Variants in DKK2 observed in about 807,000 individuals in gnomAD.
DKK2 encodes dickkopf Wnt signaling pathway inhibitor 2.
Under a neutral mutation model 28.1 loss-of-function variants are expected in DKK2, and 11 were observed. The ratio of observed to expected loss-of-function variants is 0.39; its 90% CI spans 0.25 to 0.65. DKK2 has a LOEUF of 0.65. DKK2 is among the 30% of genes least tolerant of loss of function. The pLI is 0.47. For missense variants in DKK2, 326 were observed against 335.5 expected (o/e 0.97, Z 0.22); for synonymous variants, 135 against 126.5 (o/e 1.07, Z -0.45).
chr4:106,955,171 G>A (rs1722571633), intron 1 of DKK2, among the ~76,000 whole-genome samples: 2 of 151,992 alleles, frequency 1.3e-5, no homozygotes, highest in Admixed American at 1.3e-4. Flanking sequence ...GAAACTGAAT[G>A]GGCTTTTATT....
At chr4:106,967,548 A>T (rs1191736608) in intron 1 of DKK2, among the ~76,000 whole-genome samples, 1 of 152,120 alleles carries the variant, frequency 6.6e-6, no homozygotes, top group East Asian at 1.9e-4. Context: ...CATGTTCCAG[A>T]GATTGGCCTT....
intron 1 of DKK2, among the ~76,000 whole-genome samples, chr4:106,978,968 C>T (rs1722986917): frequency 6.6e-6 from 1 of 152,126 alleles, no homozygotes; most frequent in Admixed American, 6.6e-5. Context: ...GAATGCACCA[C>T]TCCTCACAGC....
intron 1 of DKK2, among the ~76,000 whole-genome samples, chr4:106,983,324 G>C (rs1455805811): frequency 8.9e-6 from 1 of 111,928 alleles, no homozygotes; most frequent in Non-Finnish European, 1.9e-5. Context: ...AAAGAAGAAA[G>C]AAAGGAAGAA....
At chr4:107,030,645 T>A (rs7677388) in intron 1 of DKK2, among the ~76,000 whole-genome samples, 122,111 of 151,390 alleles carry the variant, frequency 0.81, 49,862 homozygotes, top group Non-Finnish European at 0.86. Flanking sequence ...AGGTAGAAAT[T>A]TGATTGTAAT....
intron 1 of DKK2, among the ~76,000 whole-genome samples, chr4:106,994,955 T>C (rs1723250899): frequency 6.6e-6 from 1 of 152,206 alleles, no homozygotes. Context: ...TAAGCTGTTA[T>C]TCTACAACAA....
At chr4:107,005,357 A>C (rs528943526) in intron 1 of DKK2, among the ~76,000 whole-genome samples, 119 of 149,678 alleles carry the variant, frequency 8.0e-4, no homozygotes, top group Middle Eastern at 3.4e-3. Context: ...AAAAAAAAAA[A>C]AAAACAAAAA....
intron 1 of DKK2, among the ~76,000 whole-genome samples, chr4:106,995,005 G>T (rs1723251868): frequency 6.6e-6 from 1 of 152,068 alleles, no homozygotes; most frequent in Non-Finnish European, 1.5e-5. Context: ...TTAAAACCAT[G>T]GTTTCATGAG....
chr4:107,032,969 C>CT lies in DKK2; in HGVS notation c.222+2400_222+2401insA, dbSNP rs1560596272. 4.0e-3 allele frequency among the ~76,000 whole-genome samples: 615 copies of CT among 152,140 alleles called. 3 individuals are homozygous for CT. The highest frequency in any genetic ancestry group is 0.013 in the African/African-American group (537 of 41,508). On this transcript the variant is annotated intron_variant, in intron 1 of 3. Transcript: ENST00000285311. The stretch of plus-strand genomic sequence containing the variant: ...ATAATACTAAGAATGTTGGTGACCA[C>CT]ATAACTATAGAATAAAAAAGATAAA...
chr4:106,993,747 A>G (rs1398763479), intron 1 of DKK2, among the ~76,000 whole-genome samples: 1 of 152,204 alleles, frequency 6.6e-6, no homozygotes, highest in Non-Finnish European at 1.5e-5. Context: ...AGTCTTCCCA[A>G]ATTCATTGCT....
At chr4:106,970,344 T>C (rs1032212549) in intron 1 of DKK2, among the ~76,000 whole-genome samples, 1 of 152,076 alleles carries the variant, frequency 6.6e-6, no homozygotes, top group Non-Finnish European at 1.5e-5. Context: ...AAGAGAGTAA[T>C]GGTTACCTAT....
intron 1 of DKK2, among the ~76,000 whole-genome samples, chr4:106,936,155 A>T (rs1724584472): frequency 6.6e-6 from 1 of 152,156 alleles, no homozygotes; most frequent in South Asian, 2.1e-4. Context: ...GCTTCAGACG[A>T]TCAAATTACT....
At chr4:106,934,572 T>A (rs990319901) in intron 1 of DKK2, among the ~76,000 whole-genome samples, 6 of 152,222 alleles carry the variant, frequency 3.9e-5, no homozygotes, top group African/African-American at 1.4e-4. Context: ...TTTTAACAAT[T>A]ATTTAATTGA....
intron 1 of DKK2, among the ~76,000 whole-genome samples, chr4:106,973,319 T>A (rs1322109504): frequency 1.3e-5 from 2 of 152,228 alleles, no homozygotes; most frequent in Admixed American, 1.3e-4. Context: ...CACACTGTCT[T>A]CCACAATGGT....
At chr4:106,939,691 C>G (rs1724662279) in intron 1 of DKK2, among the ~76,000 whole-genome samples, 1 of 152,172 alleles carries the variant, frequency 6.6e-6, no homozygotes, top group Admixed American at 6.5e-5. Flanking sequence ...AGGCATCACA[C>G]TACCTGACTT....
At chr4:106,952,370 C>T (rs1309600644) in intron 1 of DKK2, among the ~76,000 whole-genome samples, 3 of 152,118 alleles carry the variant, frequency 2.0e-5, no homozygotes, top group South Asian at 2.1e-4. Context: ...TAGAAAAGAA[C>T]CTATTTTTAT....
intron 1 of DKK2, among the ~76,000 whole-genome samples, chr4:106,941,341 C>G (rs1047906142): frequency 3.9e-5 from 6 of 152,118 alleles, no homozygotes; most frequent in Non-Finnish European, 7.4e-5. Context: ...GGATAAGGGA[C>G]TTTAACTCCT....
intron 1 of DKK2, among the ~76,000 whole-genome samples, chr4:107,034,909 T>C (rs1428416534): frequency 2.0e-5 from 3 of 152,186 alleles, no homozygotes; most frequent in Non-Finnish European, 4.4e-5. Context: ...GTGCCTCAAT[T>C]ACTTCATTAG....
intron 1 of DKK2, among the ~76,000 whole-genome samples, chr4:107,006,208 G>T (rs1007985209): frequency 1.3e-5 from 2 of 152,098 alleles, no homozygotes; most frequent in African/African-American, 4.8e-5. Flanking sequence ...TGGTTTGGGG[G>T]TTCACATTAA....
chr4:106,938,736 A>G (rs1724641588), intron 1 of DKK2, among the ~76,000 whole-genome samples: 1 of 152,116 alleles, frequency 6.6e-6, no homozygotes, highest in South Asian at 2.1e-4. Flanking sequence ...AAACGAATCC[A>G]GCAGCACATC....
Sources: allele counts gnomAD v4.1 joint callset (sites outside exome capture counted in the v4.1 genomes callset), GRCh38; gene constraint gnomAD v4.1.1; transcripts MANE v1.5; gene names NCBI Gene and HGNC (gene_info 2026-07-23, HGNC 2026-07-21).